The following ANO10 variants were observed in gnomAD, a reference collection of about 807,000 sequenced individuals.
ANO10 encodes the protein anoctamin 10, also known as anoctamin-10.
ANO10 carries 77 observed loss-of-function variants against 74.7 expected under a neutral mutation model. That is an observed-to-expected ratio of 1.03 (90% confidence interval 0.86 to 1.25). The LOEUF (loss-of-function observed/expected upper bound fraction) is 1.25, where lower values mean the gene tolerates loss of function less well. Among genes scored for constraint, ANO10 ranks in the 50% most tolerant of loss-of-function variants. ANO10 has a pLI of 0.00. For synonymous variants in ANO10, 279 were observed against 284.9 expected, an observed-to-expected ratio of 0.98 and a Z score of 0.21; for missense variants, 721 against 778.1, an observed-to-expected ratio of 0.93 and a Z score of 0.87.
intron 5 of ANO10, among the ~76,000 whole-genome samples, chr3:43,578,203 A>G (rs556189656): frequency 6.6e-5 from 10 of 152,302 alleles, no homozygotes; most frequent in Non-Finnish European, 1.5e-4. Flanking sequence ...CCAAGAGCAA[A>G]TGAAAACAGT....
intron 4 of ANO10, among the ~76,000 whole-genome samples, chr3:43,593,943 C>A (rs936415240): frequency 2.0e-5 from 3 of 151,892 alleles, no homozygotes; most frequent in African/African-American, 7.3e-5. Context: ...AAAACAAAAA[C>A]AAGCAGGGGT....
At chr3:43,419,675 C>T (rs1241540414) in intron 12 of ANO10, among the ~76,000 whole-genome samples, 2 of 152,058 alleles carry the variant, frequency 1.3e-5, no homozygotes, top group Non-Finnish European at 2.9e-5. Context: ...ACCACCATGG[C>T]TGGCTAATTC....
chr3:43,527,668 A>G (rs947584165), intron 11 of ANO10, among the ~76,000 whole-genome samples: 5 of 152,196 alleles, frequency 3.3e-5, no homozygotes, highest in African/African-American at 1.2e-4. Context: ...GGAAATAAAC[A>G]TCCAAATCCA....
At chr3:43,468,780 G>A (rs2075733463) in intron 11 of ANO10, among the ~76,000 whole-genome samples, 1 of 150,244 alleles carries the variant, frequency 6.7e-6, no homozygotes, top group African/African-American at 2.5e-5. Context: ...GTGCGATCTC[G>A]GCTCACTGCA....
intron 12 of ANO10, among the ~76,000 whole-genome samples, chr3:43,413,954 C>T (rs555055257): frequency 6.6e-6 from 1 of 151,968 alleles, no homozygotes; most frequent in African/African-American, 2.4e-5. Context: ...GAGAAGTCAT[C>T]CTCCACACAC....
At chr3:43,691,135 C>T in intron 1 of ANO10, 7 of 1,252,176 alleles carry the variant, frequency 5.6e-6, no homozygotes, top group South Asian at 2.2e-5. Context: ...GGAGTCGCCG[C>T]CCGCCTGGCG....
rs539935865 is a variant in ANO10 at position 43,431,022 on chromosome 3, A to AT, written c.1914+1588dup. Among the ~76,000 whole-genome samples the AT allele has an allele frequency of 2.9e-4, 44 of 151,394 alleles. 2 individuals are homozygous for AT. The East Asian group carries it at 8.5e-3, about 29-fold the overall frequency. On this transcript the variant is annotated intron_variant, in intron 12 of 12. Transcript: ENST00000292246. Reference sequence around the variant, plus strand: ...ACTTTGTAACTTGCTTCCTTACCAAATTTTTTTATTTTTAATAATTTATTT... The same window carrying AT: ...ACTTTGTAACTTGCTTCCTTACCAAATTTTTTTTATTTTTAATAATTTATTT...
chr3:43,589,274 ATAC>A, intron 4 of ANO10, among the ~76,000 whole-genome samples: 1 of 152,212 alleles, frequency 6.6e-6, no homozygotes, highest in Non-Finnish European at 1.5e-5. Flanking sequence ...AGATGTCATT[ATAC>A]ACAAAAACTT....
rs140580603 is a variant in ANO10 at position 43,551,327 on chromosome 3, T to C, written c.1669-1479A>G. On this transcript the variant is annotated intron_variant, in intron 10 of 12. Coordinates refer to ENST00000292246, the MANE Select transcript of ANO10 (RefSeq NM_018075.5). ...TGCTTCCACCAGCAGCATATGACAG[T>C]GCCTGGCTTCCTGAACTTGCAATAT... The C allele has an allele frequency of 2.8e-3, 948 of 334,156 alleles. 9 individuals are homozygous for C. The highest frequency in any genetic ancestry group is 0.019 in the African/African-American group (871 of 45,614). 20.7% of individuals were successfully genotyped at this position (334,156 alleles called of 1,614,324 possible). A position where few individuals can be genotyped will look rare whatever the true frequency, so the allele number is the denominator to read the frequency against.
intron 11 of ANO10, among the ~76,000 whole-genome samples, chr3:43,541,900 G>A (rs2078973741): frequency 6.6e-6 from 1 of 152,226 alleles, no homozygotes; most frequent in South Asian, 2.1e-4. Context: ...GGAAGTGAAG[G>A]GGAAGGAGAC....
intron 11 of ANO10, among the ~76,000 whole-genome samples, chr3:43,472,834 T>C (rs2075917395): frequency 6.6e-6 from 1 of 152,246 alleles, no homozygotes; most frequent in Non-Finnish European, 1.5e-5. Context: ...AGGAGATGTA[T>C]GCTGAAATAT....
intron 12 of ANO10, among the ~76,000 whole-genome samples, chr3:43,430,431 T>G (rs1374699968): frequency 6.6e-6 from 1 of 152,092 alleles, no homozygotes; most frequent in Non-Finnish European, 1.5e-5. Flanking sequence ...CATTTAAATC[T>G]GTCAACCTTG....
chr3:43,621,600 G>A (rs1288902422), intron 1 of ANO10, among the ~76,000 whole-genome samples: 1 of 151,872 alleles, frequency 6.6e-6, no homozygotes, highest in East Asian at 1.9e-4. Flanking sequence ...CCAAATTTCC[G>A]CCTCACCGCC....
intron 11 of ANO10, among the ~76,000 whole-genome samples, chr3:43,437,582 G>C (rs1299479609): frequency 6.6e-6 from 1 of 152,176 alleles, no homozygotes; most frequent in East Asian, 1.9e-4. Context: ...TTAAGAGCTT[G>C]TCAGCTTGTA....
chr3:43,381,499 T>C (rs1032528902), intron 12 of ANO10, among the ~76,000 whole-genome samples: 4 of 152,070 alleles, frequency 2.6e-5, no homozygotes, highest in South Asian at 2.1e-4. Context: ...ATAAAAGAAA[T>C]AGTCCAACCA....
chr3:43,485,348 T>G, intron 11 of ANO10: 1 of 492,722 alleles, frequency 2.0e-6, no homozygotes, highest in Non-Finnish European at 3.7e-6. Flanking sequence ...GTGCTCCCCA[T>G]CCAGGGAGGC....
At chr3:43,583,074 A>C (rs565032036) in intron 4 of ANO10, among the ~76,000 whole-genome samples, 1 of 152,198 alleles carries the variant, frequency 6.6e-6, no homozygotes, top group Admixed American at 6.5e-5. Flanking sequence ...CTACTGTAGA[A>C]GACTTCCCAG....
intron 11 of ANO10, among the ~76,000 whole-genome samples, chr3:43,447,270 T>C (rs1280699856): frequency 5.9e-5 from 9 of 152,198 alleles, no homozygotes; most frequent in Admixed American, 5.9e-4. Flanking sequence ...GTAATATAAG[T>C]AGATTCTGTC....
At chr3:43,639,855 T>C (rs1356892622) in intron 1 of ANO10, among the ~76,000 whole-genome samples, 1 of 152,094 alleles carries the variant, frequency 6.6e-6, no homozygotes, top group Non-Finnish European at 1.5e-5. Context: ...GGCACAATAG[T>C]ATACTTTCAG....
Sources: gnomAD v4.1 joint callset for allele counts (sites outside exome capture counted in the v4.1 genomes callset) on GRCh38, gnomAD v4.1.1 for gene constraint, MANE v1.5 for transcripts, NCBI Gene and HGNC (gene_info 2026-07-23, HGNC 2026-07-21) for gene names.